Variants in RYR2 observed in about 807,000 individuals in gnomAD.
RYR2 encodes cardiac muscle ryanodine receptor-calcium release channel.
Under a neutral mutation model 601.1 loss-of-function variants are expected in RYR2, and 227 were observed. The ratio of observed to expected loss-of-function variants is 0.38; its 90% CI spans 0.34 to 0.42. The LOEUF (loss-of-function observed/expected upper bound fraction) is 0.42. RYR2 is among the 10% of genes least tolerant of loss of function. The pLI is 1.00. For missense variants in RYR2, 4,646 were observed against 6,156.5 expected (o/e 0.75, Z 8.21); for synonymous variants, 2,223 against 2,175.1 (o/e 1.02, Z -0.61).
chr1:237,084,321 G>A (rs1048886497), intron 1 of RYR2, among the ~76,000 whole-genome samples: 1 of 152,046 alleles, frequency 6.6e-6, no homozygotes, highest in Non-Finnish European at 1.5e-5. Context: ...TAATGCTCCC[G>A]CTAATGTTAT....
chr1:237,782,537 A>C (rs1695208577), intron 89 of RYR2, among the ~76,000 whole-genome samples: 1 of 152,162 alleles, frequency 6.6e-6, no homozygotes, highest in East Asian at 1.9e-4. Context: ...TAGGACTTTG[A>C]AGTGGCAGCA....
At chr1:237,326,216 C>T (rs1410797638) in intron 2 of RYR2, among the ~76,000 whole-genome samples, 1 of 151,688 alleles carries the variant, frequency 6.6e-6, no homozygotes, top group African/African-American at 2.4e-5. Flanking sequence ...ATTTTTTTCC[C>T]CCTCTAAGAC....
intron 5 of RYR2, among the ~76,000 whole-genome samples, chr1:237,368,021 G>A (rs2149746618): frequency 1.3e-5 from 2 of 152,300 alleles, no homozygotes; most frequent in South Asian, 4.1e-4. Context: ...CAATGTACAT[G>A]TGTATACCTA....
chr1:237,293,035 A>C (rs1692399833), intron 2 of RYR2, among the ~76,000 whole-genome samples: 1 of 152,052 alleles, frequency 6.6e-6, no homozygotes, highest in African/African-American at 2.4e-5. Context: ...CAACACAATA[A>C]TTCTGATACC....
At chr1:237,769,516 T>C (rs949743209) in intron 84 of RYR2, among the ~76,000 whole-genome samples, 3 of 152,192 alleles carry the variant, frequency 2.0e-5, no homozygotes, top group African/African-American at 7.2e-5. Context: ...ACAGTGATTT[T>C]ATGTACTTTT....
chr1:237,473,437 C>CTTTCTTTCT (rs1325239009), intron 17 of RYR2, among the ~76,000 whole-genome samples: 4 of 94,782 alleles, frequency 4.2e-5, no homozygotes, highest in African/African-American at 1.2e-4. Context: ...CTCTCTCTTT[C>CTTTCTTTCT]TTTCTTTCTT....
chr1:237,387,207 G>C, intron 8 of RYR2, 74 bp from the exon 9 acceptor site: 1 of 1,305,828 alleles, frequency 7.7e-7, no homozygotes. Context: ...CGTTAAGTTT[G>C]CATTCCTAGA....
intron 2 of RYR2, among the ~76,000 whole-genome samples, chr1:237,278,769 G>A (rs1009801282): frequency 5.3e-5 from 8 of 152,138 alleles, no homozygotes; most frequent in African/African-American, 1.7e-4. Context: ...GCTTACCAGC[G>A]ATTATAGTGG....
At chr1:237,469,472 T>A (rs568938423) in intron 17 of RYR2, among the ~76,000 whole-genome samples, 59 of 152,190 alleles carry the variant, frequency 3.9e-4, no homozygotes, top group African/African-American at 1.4e-3. Flanking sequence ...GTAATATAAG[T>A]GTTTTCCTTT....
At chr1:237,409,844 C>T (rs1302987334) in intron 10 of RYR2, among the ~76,000 whole-genome samples, 2 of 152,058 alleles carry the variant, frequency 1.3e-5, no homozygotes, top group African/African-American at 2.4e-5. Context: ...TCTTCAGAGC[C>T]TGGTAAACTG....
At chr1:237,055,354 A>G (rs912753687) in intron 1 of RYR2, among the ~76,000 whole-genome samples, 4 of 152,144 alleles carry the variant, frequency 2.6e-5, no homozygotes, top group Non-Finnish European at 5.9e-5. Flanking sequence ...AGAGCTGTCC[A>G]TTAGAAAGAT....
At chr1:237,238,508 C>T (rs1685824584) in intron 1 of RYR2, among the ~76,000 whole-genome samples, 1 of 152,160 alleles carries the variant, frequency 6.6e-6, no homozygotes, top group South Asian at 2.1e-4. Context: ...GCCTTGGTTA[C>T]TCATATTTGG....
intron 65 of RYR2, 54 bp downstream of exon 65, chr1:237,700,521 G>A: frequency 2.3e-6 from 2 of 878,812 alleles, no homozygotes; most frequent in African/African-American, 1.7e-5. Flanking sequence ...ATACCCTGTA[G>A]TACAATCAAA....
At chr1:237,044,239 A>T (rs182122979) in intron 1 of RYR2, among the ~76,000 whole-genome samples, 1 of 151,960 alleles carries the variant, frequency 6.6e-6, no homozygotes, top group Non-Finnish European at 1.5e-5. Context: ...AAAACTAAGG[A>T]CTATTTTATT....
At chr1:237,640,662 A>G (rs1219378913) in intron 46 of RYR2, among the ~76,000 whole-genome samples, 3 of 152,200 alleles carry the variant, frequency 2.0e-5, no homozygotes, top group African/African-American at 7.2e-5. Flanking sequence ...CCCTCAAAGG[A>G]ATCTTAATAC....
chr1:237,545,983 CATAA>C (rs1669758017), intron 25 of RYR2, among the ~76,000 whole-genome samples: 1 of 149,920 alleles, frequency 6.7e-6, no homozygotes, highest in Admixed American at 6.6e-5. Context: ...AATTTAAATA[CATAA>C]ATATATCTAT....
chr1:237,634,854 T>C, intron 43 of RYR2, 35 bp from the exon 44 acceptor site: 2 of 1,510,540 alleles, frequency 1.3e-6, no homozygotes, highest in Non-Finnish European at 1.8e-6. Context: ...TACAGCACGA[T>C]CCAGGTTATA....
intron 2 of RYR2, among the ~76,000 whole-genome samples, chr1:237,295,939 A>G (rs1692735030): frequency 6.6e-6 from 1 of 152,226 alleles, no homozygotes; most frequent in African/African-American, 2.4e-5. Context: ...AAGACAGGAA[A>G]TAAACCATTT....
chr1:237,427,812 A>AT (rs1706340057), intron 12 of RYR2, among the ~76,000 whole-genome samples: 1 of 139,356 alleles, frequency 7.2e-6, no homozygotes, highest in African/African-American at 2.7e-5. Flanking sequence ...AAAAAAAAAA[A>AT]GATATCTGTT....
Sources: allele counts gnomAD v4.1 joint callset (sites outside exome capture counted in the v4.1 genomes callset), GRCh38; gene constraint gnomAD v4.1.1; transcripts MANE v1.5; gene names NCBI Gene and HGNC (gene_info 2026-07-23, HGNC 2026-07-21).